Variants in FAM83F observed in about 807,000 individuals in gnomAD.
The protein encoded by FAM83F is protein FAM83F.
In FAM83F, 45 loss-of-function variants were observed where a neutral mutation model predicts 42.9. The ratio of observed to expected loss-of-function variants is 1.05; its 90% CI spans 0.83 to 1.35. FAM83F has a LOEUF of 1.35. FAM83F is among the 40% of genes most tolerant of loss of function. The probability of loss-of-function intolerance (pLI) is 0.00; values close to 1 mark genes in which losing one functional copy is unlikely to be tolerated. For synonymous variants in FAM83F, 306 were observed against 298.3 expected (o/e 1.03, Z -0.27); for missense variants, 617 against 695.9 (o/e 0.89, Z 1.28).
At chr22:40,019,640 C>A (rs2067508962) in intron 2 of FAM83F, among the ~76,000 whole-genome samples, 1 of 152,206 alleles carries the variant, frequency 6.6e-6, no homozygotes, top group African/African-American at 2.4e-5. Context: ...TTGTTCTCTT[C>A]TGGGGCCTTT....
intron 1 of FAM83F, among the ~76,000 whole-genome samples, chr22:40,003,568 C>T (rs1283751406): frequency 6.6e-6 from 1 of 152,040 alleles, no homozygotes; most frequent in Non-Finnish European, 1.5e-5. Context: ...CTGAGCCACC[C>T]CCAAGGCTGA....
intron 4 of FAM83F, 92 bp from the exon 5 acceptor site, chr22:40,029,424 A>G (rs1030907688): frequency 4.4e-5 from 66 of 1,484,190 alleles, no homozygotes; most frequent in Middle Eastern, 3.5e-4. Flanking sequence ...CCTCAACTGG[A>G]GATGTGGACA....
rs138174910 is a variant in FAM83F at position 40,022,506 on chromosome 22, G to A, written c.1453+543G>A. Reference sequence around the variant, plus strand: ...TGTACCCTACTGGTGCCCTGACCCAGTTTCCTGTCTCTGTGACGGGCAGTC... The same window carrying A: ...TGTACCCTACTGGTGCCCTGACCCAATTTCCTGTCTCTGTGACGGGCAGTC... On this transcript the variant is annotated intron_variant, in intron 4 of 4. Transcript: ENST00000333407. Among the ~76,000 whole-genome samples, 92 of 152,268 alleles carry A rather than the reference G, an allele frequency of 6.0e-4. 1 individual carries two copies. Among genetic ancestry groups the A allele is most frequent in the African/African-American group, 2.2e-3 (91 of 41,550 alleles).
chr22:40,014,628 A>C (rs2067484552), intron 1 of FAM83F, among the ~76,000 whole-genome samples: 1 of 152,096 alleles, frequency 6.6e-6, no homozygotes, highest in Non-Finnish European at 1.5e-5. Context: ...AATTTCTATT[A>C]TGTCTGTAGT....
At chr22:40,010,944 A>T (rs993066995) in intron 1 of FAM83F, among the ~76,000 whole-genome samples, 8 of 152,044 alleles carry the variant, frequency 5.3e-5, no homozygotes, top group Admixed American at 1.3e-4. Flanking sequence ...CAGCTGGAGG[A>T]CTCGAAGGTG....
In FAM83F at chr22:39,995,046, G is replaced by C. The variant is rs2067365880; in HGVS notation, c.4G>C (p.Ala2Pro). Residue 2 changes from alanine (A) to proline (P), a missense_variant, in exon 1 of 5, where the codon GCC becomes CCC. Coordinates refer to ENST00000333407, the MANE Select transcript of FAM83F (RefSeq NM_138435.4). This position sits in a 1 kb window ranked among gnomAD's most constrained non-coding sequence, Gnocchi z 4.6. M[A>P]ESQLNCLDEA... ...CCGGGGCCGGGGCCGGGGCGCCATG[G>C]CCGAGTCCCAGCTGAACTGCCTGGA... 1 of 1,280,476 alleles carries C rather than the reference G, an allele frequency of 7.8e-7. No individual in the cohort carries two copies. The highest frequency in any genetic ancestry group is 1.7e-5 in the African/African-American group (1 of 59,314). 79.3% of individuals were successfully genotyped at this position (1,280,476 alleles called of 1,614,324 possible). A position where few individuals can be genotyped will look rare whatever the true frequency, so the allele number is the denominator to read the frequency against.
intron 1 of FAM83F, among the ~76,000 whole-genome samples, chr22:40,018,291 G>A (rs966750178): frequency 6.6e-6 from 1 of 152,176 alleles, no homozygotes; most frequent in Non-Finnish European, 1.5e-5. Flanking sequence ...TGCTGAGAAA[G>A]TGATGTTTGA....
At chr22:39,996,008 C>T (rs913794110) in intron 1 of FAM83F, among the ~76,000 whole-genome samples, 42 of 152,192 alleles carry the variant, frequency 2.8e-4, no homozygotes, top group African/African-American at 9.9e-4. Flanking sequence ...TTGGACCACC[C>T]CTCTCCTCCC....
intron 1 of FAM83F, among the ~76,000 whole-genome samples, chr22:40,017,225 C>CTTTTTTTTTTTTTT (rs59308005): frequency 8.7e-6 from 1 of 115,586 alleles, no homozygotes; most frequent in Non-Finnish European, 1.8e-5. Flanking sequence ...TCAGCACTTT[C>CTTTTTTTTTTTTTT]TTTTTTTTTT....
At chr22:40,014,933 A>T (rs945724992) in intron 1 of FAM83F, among the ~76,000 whole-genome samples, 1 of 152,216 alleles carries the variant, frequency 6.6e-6, no homozygotes, top group Non-Finnish European at 1.5e-5. Context: ...TTCTCAAAAT[A>T]GTTGTGAGGA....
intron 1 of FAM83F, among the ~76,000 whole-genome samples, chr22:40,011,722 A>G (rs1190600729): frequency 6.6e-6 from 1 of 152,246 alleles, no homozygotes; most frequent in Non-Finnish European, 1.5e-5. Flanking sequence ...GCTGTAAAAC[A>G]TTCTATCACA....
chr22:40,017,335 C>T (rs1457708765), intron 1 of FAM83F, among the ~76,000 whole-genome samples: 3 of 149,770 alleles, frequency 2.0e-5, no homozygotes, highest in Admixed American at 6.7e-5. Context: ...TTGCAATGAG[C>T]GATTCTCCTG....
At chr22:40,009,458 GAATT>G (rs1041115028) in intron 1 of FAM83F, among the ~76,000 whole-genome samples, 27 of 152,356 alleles carry the variant, frequency 1.8e-4, no homozygotes, top group African/African-American at 6.0e-4. Context: ...TGTGCAGGAT[GAATT>G]GGAGGGCAGA....
In FAM83F at chr22:40,021,430, C is replaced by T. The variant is rs372810138; in HGVS notation, c.920C>T (p.Ala307Val). The T allele has an allele frequency of 1.5e-5, 24 of 1,613,376 alleles. 1 individual carries two copies. Among genetic ancestry groups the T allele is most frequent in the African/African-American group, 2.7e-5 (2 of 74,926 alleles). ...GACTTGTACCGGCAGCTGAGCCTGG[C>T]GGGCAGGGTTGGCCTCCATTACTCC... ...EVDLYRQLSL[A>V]GRVGLHYSST... Residue 307 changes from alanine (A) to valine (V), a missense_variant, in exon 4 of 5, where the codon GCG becomes GTG. Physicochemically the swap from Ala to Val is moderately conservative, Grantham distance 64 (BLOSUM62 0). Coordinates refer to ENST00000333407, the MANE Select transcript of FAM83F (RefSeq NM_138435.4). This position sits in a 1 kb window ranked among gnomAD's most constrained non-coding sequence, Gnocchi z 8.7.
chr22:40,017,109 G>A (rs1406596101), intron 1 of FAM83F, among the ~76,000 whole-genome samples: 1 of 152,190 alleles, frequency 6.6e-6, no homozygotes, highest in East Asian at 1.9e-4. Flanking sequence ...TGTAGGGCAG[G>A]GCACAGGAGT....
intron 4 of FAM83F, among the ~76,000 whole-genome samples, chr22:40,026,942 G>T (rs961359528): frequency 2.6e-5 from 4 of 152,146 alleles, no homozygotes; most frequent in Admixed American, 2.0e-4. Context: ...TTGTTACTAG[G>T]ATTGTGCTAA....
chr22:40,011,373 C>T (rs1331580102), intron 1 of FAM83F, among the ~76,000 whole-genome samples: 1 of 152,010 alleles, frequency 6.6e-6, no homozygotes, highest in African/African-American at 2.4e-5. Flanking sequence ...TTGGTAGAGA[C>T]GGGTTTCACC....
At chr22:40,018,803 G>T (rs1216868320) in intron 1 of FAM83F, among the ~76,000 whole-genome samples, 1 of 152,070 alleles carries the variant, frequency 6.6e-6, no homozygotes, top group Non-Finnish European at 1.5e-5. Flanking sequence ...TGGCCAGGCT[G>T]GTCTCAAACT....
chr22:40,007,740 C>T (rs957551682), intron 1 of FAM83F, among the ~76,000 whole-genome samples: 15 of 151,808 alleles, frequency 9.9e-5, no homozygotes, highest in African/African-American at 3.6e-4. Flanking sequence ...CTCTCCTCCT[C>T]TCTCCCCAGG....
Sources: allele counts gnomAD v4.1 joint callset (sites outside exome capture counted in the v4.1 genomes callset), GRCh38; gene constraint gnomAD v4.1.1; non-coding constraint Gnocchi (gnomAD v3.1); transcripts MANE v1.5; gene names NCBI Gene and HGNC (gene_info 2026-07-23, HGNC 2026-07-21).